OTOF: variants seen among roughly 807,000 people sequenced by gnomAD.
OTOF encodes fer-1-like family member 2.
Under a neutral mutation model 236.8 loss-of-function variants are expected in OTOF, and 218 were observed. That is an observed-to-expected ratio of 0.92 (90% CI 0.82 to 1.03). OTOF has a LOEUF of 1.03. Among genes scored for constraint, OTOF ranks in the 50% least tolerant of loss-of-function variants. The pLI, the probability that OTOF is intolerant of heterozygous loss-of-function variation, is 0.00. For missense variants in OTOF, 2,590 were observed against 2,694.4 expected, an observed-to-expected ratio of 0.96 and a Z score of 0.86; for synonymous variants, 1,041 against 1,072.5, an observed-to-expected ratio of 0.97 and a Z score of 0.57.
intron 2 of OTOF, among the ~76,000 whole-genome samples, chr2:26,528,275 G>A (rs1190707858): frequency 6.6e-6 from 1 of 152,232 alleles, no homozygotes; most frequent in Non-Finnish European, 1.5e-5. Flanking sequence ...AGAGGGTGGT[G>A]CAACCAGGGT....
intron 1 of OTOF, among the ~76,000 whole-genome samples, chr2:26,556,749 C>T (rs543132962): frequency 2.0e-5 from 3 of 152,154 alleles, no homozygotes; most frequent in South Asian, 4.1e-4. Flanking sequence ...GAATGCCACG[C>T]GCAGTGTTCT....
chr2:26,467,325 C>T (rs373866176), intron 34 of OTOF, 40 bp downstream of exon 34: 1 of 1,613,654 alleles, frequency 6.2e-7, no homozygotes, highest in Non-Finnish European at 8.5e-7. Context: ...CCTCTTCCCG[C>T]CCCCACACAC....
intron 46 of OTOF, among the ~76,000 whole-genome samples, chr2:26,459,718 T>C (rs78473089): frequency 0.03 from 4,532 of 152,278 alleles, 118 homozygotes; most frequent in East Asian, 0.14. Flanking sequence ...CTTCACCTCT[T>C]TGGCTTAATG....
intron 1 of OTOF, among the ~76,000 whole-genome samples, chr2:26,554,486 G>A (rs988065563): frequency 1.3e-5 from 2 of 148,718 alleles, no homozygotes; most frequent in Non-Finnish European, 2.9e-5. Flanking sequence ...GGTGTGGCCA[G>A]TTTCTGAAAT....
At chr2:26,472,236 A>C (rs1558477777) in intron 30 of OTOF, 3 of 479,338 alleles carry the variant, frequency 6.3e-6, no homozygotes, top group Non-Finnish European at 7.8e-6. Flanking sequence ...ATGCACGCAC[A>C]AATGCACATA....
At position 26,483,590 on chromosome 2, in the gene OTOF, T is replaced by G. The variant is rs762974477; in HGVS notation, c.1264A>C (p.Lys422Gln). 6.2e-7 allele frequency: 1 copy of G among 1,613,732 alleles called. No homozygotes were observed. The highest frequency in any genetic ancestry group is 8.5e-7 in the Non-Finnish European group (1 of 1,180,018). ...GGCAGCCCCTCTGCTCGGTAAATTT[T>G]CACATAGAACCGGGCCCACTGGCGT... ...PERQWARFYV[K>Q]IYRAEGLPRM... The change falls in exon 13 of 47, where the codon AAA becomes CAA. Residue 422 changes from lysine to glutamine, a missense_variant. Around this residue, in one of 2 missense-constraint regions of OTOF, gnomAD observed 1,379 missense variants for 1,341.6 expected, o/e 1.03. Coordinates refer to ENST00000272371, the MANE Select transcript of OTOF (RefSeq NM_194248.3).
At position 26,482,466 on chromosome 2, in the gene OTOF, C is replaced by T. The variant is rs1431059424; in HGVS notation, c.1519G>A (p.Asp507Asn). The change falls in exon 14 of 47, where the codon GAC (aspartate) becomes AAC (asparagine). Residue 507 changes from aspartate to asparagine, a missense_variant. Physicochemically the swap from Asp to Asn is conservative, Grantham distance 23 (BLOSUM62 1). Coordinates refer to ENST00000272371, the MANE Select transcript of OTOF (RefSeq NM_194248.3). Reference protein sequence around the residue: ...VQIRDSDKVNDVAIGTHFIDL... With the variant: ...VQIRDSDKVNNVAIGTHFIDL... ...ATGAAGTGGGTGCCGATGGCCACGT[C>T]GTTGACCTTGTCCGAGTCTCGGATC... 18 of 1,613,342 alleles carry T rather than the reference C, an allele frequency of 1.1e-5. No homozygotes were observed. Among genetic ancestry groups the T allele is most frequent in the Non-Finnish European group, 1.4e-5 (17 of 1,180,022 alleles).
chr2:26,477,430 A>T lies in OTOF; in HGVS notation c.2392T>A (p.Cys798Ser). 6.3e-7 allele frequency: 1 copy of T among 1,592,132 alleles called. No homozygotes were observed. Among genetic ancestry groups the T allele is most frequent in the East Asian group, 2.3e-5 (1 of 43,972 alleles). ...TGCGTCCTCACCAGCTCCCTCATGC[A>T]GGACTTGAGGCGCTCCCGGTCAAGC... is the stretch of plus-strand genomic sequence containing the variant. The part of the protein sequence containing the change: ...TRLDRERLKS[C>S]MRELENMGQQ... The change falls in exon 20 of 47, where the codon TGC (cysteine) becomes AGC (serine). Residue 798 changes from cysteine (C) to serine (S), a missense_variant. Physicochemically the swap from Cys to Ser is moderately radical, Grantham distance 112 (BLOSUM62 -1). This residue lies in a region of OTOF where 1,379 missense variants were observed against 1,341.6 expected (regional missense o/e 1.03). Transcript: ENST00000272371. The surrounding 1 kb of genome is among the most constrained non-coding windows in gnomAD (Gnocchi z 4.7).
intron 5 of OTOF, among the ~76,000 whole-genome samples, chr2:26,508,101 T>A (rs945788551): frequency 7.2e-5 from 11 of 152,138 alleles, no homozygotes; most frequent in African/African-American, 2.7e-4. Context: ...GCAGGTCGAG[T>A]CCATTCACTG....
intron 33 of OTOF, among the ~76,000 whole-genome samples, chr2:26,467,754 G>A (rs1318765683): frequency 2.6e-5 from 4 of 152,176 alleles, no homozygotes; most frequent in Non-Finnish European, 5.9e-5. Context: ...AGGAGCATGG[G>A]TTTGGGGGTG....
At chr2:26,536,341 G>A (rs181801316) in intron 2 of OTOF, among the ~76,000 whole-genome samples, 1 of 152,326 alleles carries the variant, frequency 6.6e-6, no homozygotes, top group African/African-American at 2.4e-5. Context: ...AGGAGGGGGA[G>A]AAGGTAAGGA....
intron 33 of OTOF, 47 bp from the exon 34 acceptor site, chr2:26,467,548 G>A: frequency 6.3e-7 from 1 of 1,597,944 alleles, no homozygotes; most frequent in Non-Finnish European, 8.5e-7. Context: ...AGCAGAGCAG[G>A]AAGGCCTGGA....
intron 1 of OTOF, among the ~76,000 whole-genome samples, chr2:26,549,859 G>A (rs1415094676): frequency 6.6e-6 from 1 of 152,208 alleles, no homozygotes; most frequent in African/African-American, 2.4e-5. Context: ...GGAAGGGCCT[G>A]TGGTATTTGT....
rs1664411810 is a variant in OTOF at position 26,460,579 on chromosome 2, C to T, written c.5813+68G>A. Reference sequence around the variant, plus strand: ...AGGAAGAGATGGGGTGTCTGGGGATCGTCTCCTTCCTGTTCCAGCGCCTCC... The same window carrying T: ...AGGAAGAGATGGGGTGTCTGGGGATTGTCTCCTTCCTGTTCCAGCGCCTCC... On this transcript the variant is annotated intron_variant, in intron 45 of 46. Coordinates refer to ENST00000272371, the MANE Select transcript of OTOF (RefSeq NM_194248.3). The surrounding 1 kb of genome is among the most constrained non-coding windows in gnomAD (Gnocchi z 5.3). The T allele has an allele frequency of 2.4e-6, 3 of 1,236,202 alleles. No individual in the cohort carries two copies. Among genetic ancestry groups the T allele is most frequent in the Non-Finnish European group, 3.5e-6 (3 of 845,154 alleles). The allele number at this position is 1,236,202 out of a possible 1,614,324, so 76.6% of individuals were successfully genotyped here.
In OTOF at chr2:26,461,551, C is replaced by A. The variant is rs867675425; in HGVS notation, c.5533+145G>T. ...GTTAGGTGGGTCCTTGGGGGCGGAA[C>A]CCCGTCGGACACCCCTGGCTCTGAT... On this transcript the variant is annotated intron_variant, in intron 43 of 46. Coordinates refer to ENST00000272371, the MANE Select transcript of OTOF (RefSeq NM_194248.3). The surrounding 1 kb of genome is among the most constrained non-coding windows in gnomAD (Gnocchi z 6.2). The A allele has an allele frequency of 8.8e-7, 1 of 1,131,224 alleles. No individual in the cohort carries two copies. Among genetic ancestry groups the A allele is most frequent in the East Asian group, 2.5e-5 (1 of 39,224 alleles). 70.1% of individuals were successfully genotyped at this position (1,131,224 alleles called of 1,614,324 possible). A position where few individuals can be genotyped will look rare whatever the true frequency, so the allele number is the denominator to read the frequency against.
At chr2:26,497,156 G>A (rs1362084435) in intron 8 of OTOF, among the ~76,000 whole-genome samples, 2 of 138,520 alleles carry the variant, frequency 1.4e-5, no homozygotes, top group African/African-American at 5.3e-5. Context: ...CGGCTGGAGT[G>A]CAGTGGCACG....
At chr2:26,487,763 GC>G (rs1357683032) in intron 11 of OTOF, among the ~76,000 whole-genome samples, 1 of 152,242 alleles carries the variant, frequency 6.6e-6, no homozygotes, top group Admixed American at 6.5e-5. Context: ...CCTCAGGGAT[GC>G]CAGTCATTCC....
intron 5 of OTOF, among the ~76,000 whole-genome samples, chr2:26,511,158 GGCTCCCCT>G (rs200753939): frequency 0.024 from 3,679 of 152,304 alleles, 73 homozygotes; most frequent in Non-Finnish European, 0.035. Flanking sequence ...TCTGCCCACC[GGCTCCCCT>G]GCTCCCCTGC....
rs1558492578 is a variant in OTOF at position 26,484,465 on chromosome 2, G to T, written c.1205+9C>A. On this transcript the variant is annotated intron_variant, in intron 12 of 46. Coordinates refer to ENST00000272371, the MANE Select transcript of OTOF (RefSeq NM_194248.3). ...TCAGACTCCAGGGGCTGGGGTAGCT[G>T]GGCCTCACCCCTCAATGTCATCTTC... The T allele has an allele frequency of 1.9e-6, 3 of 1,613,828 alleles. No homozygotes were observed. The highest frequency in any genetic ancestry group is 2.5e-6 in the Non-Finnish European group (3 of 1,179,950).
Sources: allele counts gnomAD v4.1 joint callset (sites outside exome capture counted in the v4.1 genomes callset), GRCh38; gene constraint gnomAD v4.1.1; regional missense constraint gnomAD v4.1.1; non-coding constraint Gnocchi (gnomAD v3.1); transcripts MANE v1.5; gene names NCBI Gene and HGNC (gene_info 2026-07-23, HGNC 2026-07-21).